Variants in BRINP2 observed in about 807,000 individuals in gnomAD.
The protein encoded by BRINP2 is BMP/retinoic acid-inducible neural-specific protein 2.
A neutral mutation model predicts 69.2 loss-of-function variants in BRINP2; 21 were observed. The observed-to-expected ratio is 0.30, with a 90% CI of 0.22 to 0.44. The LOEUF is 0.44. BRINP2 is among the 20% of genes least tolerant of loss of function. The probability of loss-of-function intolerance (pLI) is 1.00; values close to 1 mark genes in which losing one functional copy is unlikely to be tolerated. For synonymous variants in BRINP2, 380 were observed against 394.1 expected (o/e 0.96, Z 0.42); for missense variants, 877 against 986.0 (o/e 0.89, Z 1.48).
At chr1:177,259,578 C>T (rs1018143445) in intron 4 of BRINP2, among the ~76,000 whole-genome samples, 1 of 152,160 alleles carries the variant, frequency 6.6e-6, no homozygotes, top group Non-Finnish European at 1.5e-5. Context: ...TGCCTGGCTT[C>T]AAAGCTTCAA....
intron 2 of BRINP2, among the ~76,000 whole-genome samples, chr1:177,234,677 T>C (rs1649964906): frequency 6.6e-6 from 1 of 152,214 alleles, no homozygotes; most frequent in Non-Finnish European, 1.5e-5. Flanking sequence ...CAATGCTGAA[T>C]GGAATTCCAA....
At position 177,196,574 on chromosome 1, in the gene BRINP2, C is replaced by T. The variant is rs530591; in HGVS notation, c.-77+24842C>T. ...CAGAGGTTGCAGTGAGCTGAGATTGCGCCACTGCACTCCAGCCTGGGCAAC... is the reference window on the plus strand; with the variant it reads ...CAGAGGTTGCAGTGAGCTGAGATTGTGCCACTGCACTCCAGCCTGGGCAAC... On this transcript the variant is annotated intron_variant, in intron 1 of 7. Transcript: ENST00000361539. Among the ~76,000 whole-genome samples the T allele has an allele frequency of 7.7e-3, 1,165 of 151,634 alleles. 13 individuals carry two copies. The highest frequency in any genetic ancestry group is 0.027 in the African/African-American group (1,112 of 41,316).
chr1:177,172,107 G>A (rs563827949), intron 1 of BRINP2, among the ~76,000 whole-genome samples: 4 of 152,328 alleles, frequency 2.6e-5, no homozygotes, highest in African/African-American at 9.6e-5. Flanking sequence ...TGCCTGCCCA[G>A]CTGACGCTGG....
intron 4 of BRINP2, among the ~76,000 whole-genome samples, chr1:177,260,753 G>T (rs780596268): frequency 6.6e-6 from 1 of 152,206 alleles, no homozygotes; most frequent in Non-Finnish European, 1.5e-5. Context: ...ATTAAGGTAT[G>T]TACATTGTTT....
chr1:177,277,389 A>G (rs1437219892), intron 6 of BRINP2, among the ~76,000 whole-genome samples: 1 of 152,026 alleles, frequency 6.6e-6, no homozygotes, highest in East Asian at 1.9e-4. Flanking sequence ...CACATGCAGT[A>G]TATTTGGTTT....
At chr1:177,220,320 G>C (rs1649487305) in intron 1 of BRINP2, among the ~76,000 whole-genome samples, 1 of 152,110 alleles carries the variant, frequency 6.6e-6, no homozygotes, top group Non-Finnish European at 1.5e-5. Flanking sequence ...TGTGGTGGGA[G>C]GTATTTGGAT....
chr1:177,278,412 T>A, intron 6 of BRINP2, 151 bp from the exon 7 acceptor site: 1 of 720,524 alleles, frequency 1.4e-6, no homozygotes, highest in Non-Finnish European at 2.4e-6. Context: ...AGGTGTTGAT[T>A]TTTTTAAAAA....
At chr1:177,261,469 C>G (rs2102350602) in intron 4 of BRINP2, among the ~76,000 whole-genome samples, 1 of 152,260 alleles carries the variant, frequency 6.6e-6, no homozygotes, top group East Asian at 1.9e-4. Context: ...CCTGAGCAAT[C>G]AAATGAACAG....
chr1:177,195,417 G>A (rs1648713399), intron 1 of BRINP2, among the ~76,000 whole-genome samples: 1 of 151,200 alleles, frequency 6.6e-6, no homozygotes. Flanking sequence ...CACATACTCA[G>A]GAGCAGCCCA....
chr1:177,273,405 G>C, intron 4 of BRINP2, 83 bp from the exon 5 acceptor site: 1 of 868,262 alleles, frequency 1.2e-6, no homozygotes, highest in Non-Finnish European at 1.8e-6. Context: ...TGTGGAACCT[G>C]AGATGGAGCA....
intron 1 of BRINP2, among the ~76,000 whole-genome samples, chr1:177,223,854 C>T (rs1354388182): frequency 2.6e-5 from 4 of 152,030 alleles, no homozygotes; most frequent in South Asian, 2.1e-4. Flanking sequence ...CACTGAAGGT[C>T]GAATCCTGGA....
In BRINP2 at chr1:177,281,493, C is replaced by G. The variant is rs756026814; in HGVS notation, c.2317C>G (p.Pro773Ala). The G allele has an allele frequency of 8.7e-6, 14 of 1,610,826 alleles. No homozygotes were observed. Among genetic ancestry groups the G allele is most frequent in the South Asian group, 5.5e-5 (5 of 90,982 alleles). The change falls in exon 8 of 8, where the codon CCT becomes GCT. Residue 773 changes from proline to alanine, a missense_variant. Physicochemically the swap from Pro to Ala is conservative, Grantham distance 27. This residue lies in a region of BRINP2 where 225 missense variants were observed against 218.7 expected (regional missense o/e 1.03). Coordinates refer to ENST00000361539, the MANE Select transcript of BRINP2 (RefSeq NM_021165.4). ...GGCTTTCAATTCTAAGCTGCCAAACCCTGTGGAATATGAGACCGGCAAACT... is the reference window on the plus strand; with the variant it reads ...GGCTTTCAATTCTAAGCTGCCAAACGCTGTGGAATATGAGACCGGCAAACT... Reference protein sequence around the residue: ...LRAFNSKLPNPVEYETGKLCS With the variant: ...LRAFNSKLPNAVEYETGKLCS
chr1:177,247,714 T>A (rs1037505410), intron 2 of BRINP2, among the ~76,000 whole-genome samples: 8 of 152,230 alleles, frequency 5.3e-5, no homozygotes, highest in Admixed American at 3.3e-4. Flanking sequence ...GACAGCCCAC[T>A]CCTTCTGTCA....
chr1:177,259,810 G>GA (rs1343403858), intron 4 of BRINP2, among the ~76,000 whole-genome samples: 1 of 151,922 alleles, frequency 6.6e-6, no homozygotes, highest in African/African-American at 2.4e-5. Flanking sequence ...CTACTACTCA[G>GA]AAAAAAAATT....
At chr1:177,214,863 G>T (rs1297931885) in intron 1 of BRINP2, among the ~76,000 whole-genome samples, 6 of 152,180 alleles carry the variant, frequency 3.9e-5, no homozygotes, top group Non-Finnish European at 8.8e-5. Flanking sequence ...ATTAAATCAA[G>T]CTAATTAACC....
chr1:177,259,831 A>G (rs941275707), intron 4 of BRINP2, among the ~76,000 whole-genome samples: 3 of 152,200 alleles, frequency 2.0e-5, no homozygotes, highest in African/African-American at 7.2e-5. Context: ...CTTTCAAAAT[A>G]TCACTTCTGA....
intron 2 of BRINP2, among the ~76,000 whole-genome samples, chr1:177,235,975 G>A (rs1558170627): frequency 6.6e-6 from 1 of 152,178 alleles, no homozygotes; most frequent in Admixed American, 6.5e-5. Flanking sequence ...TCTTGACGTG[G>A]AAGGAGATGA....
At chr1:177,271,049 G>T (rs1651310109) in intron 4 of BRINP2, among the ~76,000 whole-genome samples, 1 of 152,166 alleles carries the variant, frequency 6.6e-6, no homozygotes, top group African/African-American at 2.4e-5. Context: ...AGAACACTGG[G>T]GTTGTTTAAG....
At chr1:177,278,530 C>G (rs1391792714) in intron 6 of BRINP2, 33 bp from the exon 7 acceptor site, 1 of 1,604,530 alleles carries the variant, frequency 6.2e-7, no homozygotes, top group South Asian at 1.1e-5. Flanking sequence ...GCATAGCTAC[C>G]CGTCAGCTCA....
Sources: gnomAD v4.1 joint callset for allele counts (sites outside exome capture counted in the v4.1 genomes callset) on GRCh38, gnomAD v4.1.1 for gene constraint, gnomAD v4.1.1 regional missense constraint, MANE v1.5 for transcripts, NCBI Gene and HGNC (gene_info 2026-07-23, HGNC 2026-07-21) for gene names.